AGPAT3: variants seen among roughly 807,000 people sequenced by gnomAD.
AGPAT3 encodes the protein 1-acyl-sn-glycerol-3-phosphate acyltransferase gamma.
AGPAT3 carries 5 observed loss-of-function variants against 47.3 expected under a neutral mutation model. The ratio of observed to expected loss-of-function variants is 0.11; its 90% CI spans 0.06 to 0.22. The LOEUF (loss-of-function observed/expected upper bound fraction) is 0.22, where lower values mean the gene tolerates loss of function less well. Ranked by LOEUF, AGPAT3 falls within the 10% of genes least tolerant of loss-of-function variation. The probability of loss-of-function intolerance (pLI) is 1.00; values close to 1 mark genes in which losing one functional copy is unlikely to be tolerated. For synonymous variants in AGPAT3, 212 were observed against 208.3 expected, an observed-to-expected ratio of 1.02 and a Z score of -0.15; for missense variants, 315 against 493.0, an observed-to-expected ratio of 0.64 and a Z score of 3.42.
intron 1 of AGPAT3, chr21:43,882,626 T>C (rs2085878382): frequency 6.6e-6 from 1 of 152,326 alleles, no homozygotes; most frequent in Non-Finnish European, 1.5e-5. Flanking sequence ...GTAAGACCCA[T>C]GAAGGCTGCA....
At chr21:43,886,869 C>G (rs2085990451) in intron 1 of AGPAT3, among the ~76,000 whole-genome samples, 1 of 152,170 alleles carries the variant, frequency 6.6e-6, no homozygotes. Flanking sequence ...TGGGTTGCCT[C>G]CAAATCTTGG....
At chr21:43,913,579 C>T (rs146863228) in intron 2 of AGPAT3, among the ~76,000 whole-genome samples, 4 of 152,292 alleles carry the variant, frequency 2.6e-5, no homozygotes, top group African/African-American at 9.6e-5. Context: ...GAGCGAGACC[C>T]TGTCTCAAAA....
rs184210362 is a variant in AGPAT3, at chr21:43,983,224, C to G, written c.*832C>G. 6.6e-6 allele frequency: 1 copy of G among 152,276 alleles called. No individual in the cohort carries two copies. Among genetic ancestry groups the G allele is most frequent in the Non-Finnish European group, 1.5e-5 (1 of 68,094 alleles). 9.4% of individuals were successfully genotyped at this position (152,276 alleles called of 1,614,324 possible). On this transcript the variant is annotated 3_prime_UTR_variant, in exon 10 of 10. Coordinates refer to ENST00000291572, the MANE Select transcript of AGPAT3 (RefSeq NM_020132.5). The stretch of plus-strand genomic sequence containing the variant: ...GAGGACCCTCGGGGCTACCGCGCGC[C>G]CCCCCATCCCACAGATCAGGAGCCA...
intron 3 of AGPAT3, 34 bp downstream of exon 3, chr21:43,959,893 G>A: frequency 1.3e-6 from 2 of 1,568,710 alleles, no homozygotes; most frequent in South Asian, 1.1e-5. Context: ...CTGCCGCCTG[G>A]GGCTCCCGTG....
rs2089891095 is a variant in AGPAT3, at chr21:43,982,551, G to A, written c.*159G>A. The A allele has an allele frequency of 1.8e-6, 1 of 555,760 alleles. No homozygotes were observed. Among genetic ancestry groups the A allele is most frequent in the Non-Finnish European group, 3.1e-6 (1 of 317,870 alleles). 34.4% of individuals were successfully genotyped at this position (555,760 alleles called of 1,614,324 possible). ...GAGCCAAGAGTAAAGAATTCAGAAG[G>A]CCTGTCAGGTGAAGTCTTCAGCCTC... is the stretch of plus-strand genomic sequence containing the variant. On this transcript the variant is annotated 3_prime_UTR_variant, in exon 10 of 10. Transcript: ENST00000291572. This position sits in a 1 kb window ranked among gnomAD's most constrained non-coding sequence, Gnocchi z 6.2.
intron 8 of AGPAT3, 106 bp from the exon 9 acceptor site, chr21:43,980,882 CT>C (rs1236511268): frequency 1.5e-5 from 17 of 1,133,064 alleles, no homozygotes; most frequent in Non-Finnish European, 1.7e-5. Flanking sequence ...TGACGTGGCG[CT>C]TTTTTTAGGT....
intron 2 of AGPAT3, among the ~76,000 whole-genome samples, chr21:43,906,885 G>T (rs2086511170): frequency 6.6e-6 from 1 of 152,244 alleles, no homozygotes; most frequent in Non-Finnish European, 1.5e-5. Flanking sequence ...AGCGCAGTGG[G>T]TCAGCACATG....
At chr21:43,907,780 C>T (rs2086538523) in intron 2 of AGPAT3, among the ~76,000 whole-genome samples, 1 of 152,210 alleles carries the variant, frequency 6.6e-6, no homozygotes, top group Non-Finnish European at 1.5e-5. Flanking sequence ...TTTTCGGTTT[C>T]ATCTGATTCC....
Position 43,913,572 on chromosome 21 carries a change from C to T in AGPAT3, c.-49+9553C>T, listed in dbSNP as rs142514886. Among the ~76,000 whole-genome samples, 1,387 of 152,222 alleles carry T rather than the reference C, an allele frequency of 9.1e-3. 23 individuals carry two copies. The highest frequency in any genetic ancestry group is 0.031 in the African/African-American group (1,284 of 41,506). ...CTGCACCCCAGCCTGGGTGACAGAG[C>T]GAGACCCTGTCTCAAAAAAAATTAT... On this transcript the variant is annotated intron_variant, in intron 2 of 9. Transcript: ENST00000291572.
At position 43,959,831 on chromosome 21, in the gene AGPAT3, C is replaced by T. The variant is rs1247151988; in HGVS notation, c.150C>T (p.Asn50=). 3.7e-6 allele frequency: 6 copies of T among 1,610,810 alleles called. No individual in the cohort carries two copies. The highest frequency in any genetic ancestry group is 5.1e-6 in the Non-Finnish European group (6 of 1,179,802). The part of the protein sequence containing the change: ...PVSKQLYRRL[N]CRLAYSLWSQ... ...GCAAGCAGCTCTACCGCCGCCTCAA[C>T]TGCCGCCTCGCCTACTCACTCTGGA... The change falls in exon 3 of 10, where the codon AAC becomes AAT. Residue 50 remains asparagine, a synonymous_variant. Coordinates refer to ENST00000291572, the MANE Select transcript of AGPAT3 (RefSeq NM_020132.5).
intron 1 of AGPAT3, among the ~76,000 whole-genome samples, chr21:43,899,998 C>T (rs568466851): frequency 3.5e-4 from 53 of 152,304 alleles, no homozygotes; most frequent in African/African-American, 1.2e-3. Context: ...TCTAGTTTAA[C>T]GTGGGCAGGC....
At chr21:43,916,865 C>T (rs536912291) in intron 2 of AGPAT3, among the ~76,000 whole-genome samples, 1 of 152,298 alleles carries the variant, frequency 6.6e-6, no homozygotes, top group South Asian at 2.1e-4. Flanking sequence ...TTTTGTTTCA[C>T]TTCGGTCGAG....
intron 3 of AGPAT3, among the ~76,000 whole-genome samples, chr21:43,962,162 G>A (rs1013055541): frequency 6.6e-6 from 1 of 151,912 alleles, no homozygotes; most frequent in Non-Finnish European, 1.5e-5. Flanking sequence ...CACCACTCCT[G>A]GCTAATTTTT....
At chr21:43,929,901 C>T (rs1301036132) in intron 2 of AGPAT3, among the ~76,000 whole-genome samples, 1 of 152,170 alleles carries the variant, frequency 6.6e-6, no homozygotes, top group Non-Finnish European at 1.5e-5. Flanking sequence ...GATGGCGCTC[C>T]CAGCGAGCTC....
chr21:43,941,893 G>C (rs1222369542), intron 2 of AGPAT3, among the ~76,000 whole-genome samples: 1 of 152,242 alleles, frequency 6.6e-6, no homozygotes, highest in African/African-American at 2.4e-5. Flanking sequence ...GGAAAAGAGC[G>C]CCTCTGTCTG....
rs762205034 is a variant in AGPAT3 at position 43,968,099 on chromosome 21, G to A, written c.332G>A (p.Arg111His). 6.2e-6 allele frequency: 10 copies of A among 1,613,498 alleles called. No individual in the cohort carries two copies. Among genetic ancestry groups the A allele is most frequent in the Admixed American group, 1.7e-5 (1 of 59,944 alleles). The change falls in exon 4 of 10, where the codon CGC becomes CAC. Residue 111 changes from arginine (R) to histidine (H), a missense_variant. By Grantham distance (29) the Arg-to-His change is conservative. Coordinates refer to ENST00000291572, the MANE Select transcript of AGPAT3 (RefSeq NM_020132.5). The stretch of plus-strand genomic sequence containing the variant: ...CTCTGTGGGTGGACCATGTGTGAGC[G>A]CTTCGGAGTGCTGGGGGTGAGCGGG... Reference protein sequence around the residue: ...DFLCGWTMCERFGVLGSSKVL... With the variant: ...DFLCGWTMCEHFGVLGSSKVL...
intron 2 of AGPAT3, among the ~76,000 whole-genome samples, chr21:43,956,236 A>G (rs902955983): frequency 5.3e-5 from 8 of 152,188 alleles, no homozygotes; most frequent in Non-Finnish European, 1.2e-4. Flanking sequence ...TGGTCTGCCC[A>G]GCGTGTCTGA....
intron 1 of AGPAT3, among the ~76,000 whole-genome samples, chr21:43,886,030 A>G (rs1468360047): frequency 6.6e-6 from 1 of 152,220 alleles, no homozygotes; most frequent in East Asian, 1.9e-4. Context: ...CGACATGGCA[A>G]TCGTGATGCC....
At chr21:43,866,465 C>T (rs182691643) in intron 1 of AGPAT3, among the ~76,000 whole-genome samples, 96 of 152,262 alleles carry the variant, frequency 6.3e-4, no homozygotes, top group Middle Eastern at 3.4e-3. Context: ...GCGGCTGCTC[C>T]GACTCGACTC....
Sources: gnomAD v4.1 joint callset for allele counts (sites outside exome capture counted in the v4.1 genomes callset) on GRCh38, gnomAD v4.1.1 for gene constraint, Gnocchi (gnomAD v3.1) non-coding constraint, MANE v1.5 for transcripts, NCBI Gene and HGNC (gene_info 2026-07-23, HGNC 2026-07-21) for gene names.